The following SPOCK1 variants were observed in gnomAD, a reference collection of about 807,000 sequenced individuals.
SPOCK1 encodes testican-1.
A neutral mutation model predicts 55.3 loss-of-function variants in SPOCK1; 23 were observed. The observed-to-expected ratio is 0.42, with a 90% CI of 0.30 to 0.59. The LOEUF is 0.59. SPOCK1 is among the 20% of genes least tolerant of loss of function. The pLI, the probability that SPOCK1 is intolerant of heterozygous loss-of-function variation, is 0.22. For synonymous variants in SPOCK1, 226 were observed against 221.0 expected, an observed-to-expected ratio of 1.02 and a Z score of -0.20; for missense variants, 499 against 552.5, an observed-to-expected ratio of 0.90 and a Z score of 0.97.
In SPOCK1 at chr5:137,478,758, C is replaced by T. The variant is rs115368771; in HGVS notation, c.186+19615G>A. ...ACCAGACTCTATTGTTTAAATGGGA[C>T]TTTGTATTCACCACCACCCCCAACC... On this transcript the variant is annotated intron_variant, in intron 2 of 10. Transcript: ENST00000394945. 7.1e-3 allele frequency among the ~76,000 whole-genome samples: 1,074 copies of T among 152,200 alleles called. 9 individuals carry two copies. Among genetic ancestry groups the T allele is most frequent in the African/African-American group, 0.024 (1,015 of 41,502 alleles).
At chr5:137,071,407 T>C (rs187892011) in intron 5 of SPOCK1, among the ~76,000 whole-genome samples, 23 of 152,248 alleles carry the variant, frequency 1.5e-4, no homozygotes, top group Non-Finnish European at 3.1e-4. Flanking sequence ...ACCAGGAAGA[T>C]AGGGGTCACC....
chr5:137,443,102 G>A (rs995243679), intron 2 of SPOCK1, among the ~76,000 whole-genome samples: 7 of 151,544 alleles, frequency 4.6e-5, no homozygotes, highest in Non-Finnish European at 1.0e-4. Flanking sequence ...TGGGCTTTGG[G>A]GAAAAAGAAA....
chr5:137,439,664 C>T (rs1752947079), intron 2 of SPOCK1, among the ~76,000 whole-genome samples: 1 of 152,098 alleles, frequency 6.6e-6, no homozygotes, highest in Non-Finnish European at 1.5e-5. Flanking sequence ...GGCTGGGGTA[C>T]CTCATTTAAA....
chr5:137,380,642 A>C (rs992018031), intron 2 of SPOCK1, among the ~76,000 whole-genome samples: 2 of 152,200 alleles, frequency 1.3e-5, no homozygotes, highest in African/African-American at 4.8e-5. Context: ...CAAGGGGGGA[A>C]GTGCCAAACA....
At chr5:137,247,817 C>T (rs1042375516) in intron 3 of SPOCK1, among the ~76,000 whole-genome samples, 44 of 152,156 alleles carry the variant, frequency 2.9e-4, no homozygotes, top group African/African-American at 8.2e-4. Flanking sequence ...CATAACAACC[C>T]GCTGTTGCAG....
At chr5:137,139,983 T>G (rs1754061987) in intron 4 of SPOCK1, among the ~76,000 whole-genome samples, 1 of 152,130 alleles carries the variant, frequency 6.6e-6, no homozygotes, top group South Asian at 2.1e-4. Context: ...TTAAGGACCC[T>G]GAAGAAGATG....
chr5:137,094,477 A>G (rs992536225), intron 5 of SPOCK1, among the ~76,000 whole-genome samples: 8 of 152,246 alleles, frequency 5.3e-5, no homozygotes, highest in African/African-American at 1.9e-4. Context: ...TTCCTGGTAC[A>G]TATAAAAGTT....
rs536500618 is a variant in SPOCK1 at position 137,357,543 on chromosome 5, G to T, written c.187-90488C>A. ...AGAGGGTCAGGGAAGGCTACGCAGA[G>T]AAAGAGATGCCTGACTGGGTCTATA... On this transcript the variant is annotated intron_variant, in intron 2 of 10. Coordinates refer to ENST00000394945, the MANE Select transcript of SPOCK1 (RefSeq NM_004598.4). 7.2e-5 allele frequency among the ~76,000 whole-genome samples: 11 copies of T among 152,302 alleles called. No homozygotes were observed. In the East Asian group the frequency reaches 2.1e-3, roughly 29 times the overall value.
intron 6 of SPOCK1, among the ~76,000 whole-genome samples, chr5:137,006,814 TATG>T (rs1751259003): frequency 6.6e-6 from 1 of 152,208 alleles, no homozygotes; most frequent in African/African-American, 2.4e-5. Context: ...GCCCATTCAG[TATG>T]ATATTTGCTG....
chr5:137,257,577 T>G (rs1177693390), intron 3 of SPOCK1, among the ~76,000 whole-genome samples: 1 of 152,186 alleles, frequency 6.6e-6, no homozygotes, highest in African/African-American at 2.4e-5. Flanking sequence ...TTCTACTGTT[T>G]GTAGGCCACC....
At chr5:137,127,057 T>C (rs1394030265) in intron 4 of SPOCK1, among the ~76,000 whole-genome samples, 2 of 152,174 alleles carry the variant, frequency 1.3e-5, no homozygotes, top group African/African-American at 2.4e-5. Context: ...CTAGAGAGAA[T>C]GCCAAGGGTG....
intron 2 of SPOCK1, among the ~76,000 whole-genome samples, chr5:137,433,178 C>A (rs373242748): frequency 1.3e-5 from 2 of 152,128 alleles, no homozygotes; most frequent in African/African-American, 4.8e-5. Flanking sequence ...AAAGAAGAGA[C>A]GGAAATGGAG....
intron 2 of SPOCK1, among the ~76,000 whole-genome samples, chr5:137,496,001 A>G (rs1156487412): frequency 6.6e-6 from 1 of 152,246 alleles, no homozygotes; most frequent in East Asian, 1.9e-4. Flanking sequence ...GCTGCTAAAA[A>G]TATTAGTTTA....
chr5:137,377,776 C>G (rs1349023279), intron 2 of SPOCK1, among the ~76,000 whole-genome samples: 1 of 152,122 alleles, frequency 6.6e-6, no homozygotes, highest in Non-Finnish European at 1.5e-5. Context: ...AACCCCTTGA[C>G]ATTCTCTACA....
intron 4 of SPOCK1, among the ~76,000 whole-genome samples, chr5:137,115,691 G>A (rs1753564232): frequency 6.6e-6 from 1 of 152,120 alleles, no homozygotes; most frequent in African/African-American, 2.4e-5. Flanking sequence ...TTAGATGGGG[G>A]CAAACTCAGC....
chr5:137,166,754 G>T (rs1754655059), intron 3 of SPOCK1, among the ~76,000 whole-genome samples: 1 of 151,988 alleles, frequency 6.6e-6, no homozygotes, highest in African/African-American at 2.4e-5. Flanking sequence ...AGCTTAAAAT[G>T]ATGGGTTATA....
At chr5:137,473,013 G>C (rs568508996) in intron 2 of SPOCK1, among the ~76,000 whole-genome samples, 45 of 152,270 alleles carry the variant, frequency 3.0e-4, no homozygotes, top group African/African-American at 9.4e-4. Flanking sequence ...CGGTTAAAGG[G>C]CAAAATGGTT....
chr5:137,033,681 A>G (rs1213829486), intron 6 of SPOCK1, among the ~76,000 whole-genome samples: 1 of 152,182 alleles, frequency 6.6e-6, no homozygotes, highest in Non-Finnish European at 1.5e-5. Flanking sequence ...GCTCCCACCC[A>G]AATGAGGTCA....
intron 2 of SPOCK1, among the ~76,000 whole-genome samples, chr5:137,293,731 G>A (rs904491971): frequency 7.9e-5 from 12 of 152,196 alleles, no homozygotes; most frequent in Non-Finnish European, 1.6e-4. Context: ...AACTTTCAAC[G>A]ATGCACCGGG....
Sources: allele counts gnomAD v4.1 joint callset (sites outside exome capture counted in the v4.1 genomes callset), GRCh38; gene constraint gnomAD v4.1.1; transcripts MANE v1.5; gene names NCBI Gene and HGNC (gene_info 2026-07-23, HGNC 2026-07-21).